The following SMARCE1 variants were observed in gnomAD, a reference collection of about 807,000 sequenced individuals.
The protein encoded by SMARCE1 is SWI/SNF-related matrix-associated actin-dependent regulator of chromatin subfamily E member 1.
Under a neutral mutation model 54.9 loss-of-function variants are expected in SMARCE1, and 13 were observed. That is an observed-to-expected ratio of 0.24 (90% CI 0.15 to 0.38). The LOEUF is 0.38. Among genes scored for constraint, SMARCE1 ranks in the 10% least tolerant of loss-of-function variants. The pLI is 1.00. For synonymous variants in SMARCE1, 151 were observed against 175.3 expected, an observed-to-expected ratio of 0.86 and a Z score of 1.10; for missense variants, 295 against 523.8, an observed-to-expected ratio of 0.56 and a Z score of 4.26.
chr17:40,647,006 T>C (rs2037264503), intron 1 of SMARCE1, among the ~76,000 whole-genome samples: 1 of 152,216 alleles, frequency 6.6e-6, no homozygotes, highest in Non-Finnish European at 1.5e-5. Flanking sequence ...CAGGCCTCGC[T>C]GCAGGGGACC....
At chr17:40,646,351 A>G (rs911710240) in intron 1 of SMARCE1, among the ~76,000 whole-genome samples, 4 of 152,336 alleles carry the variant, frequency 2.6e-5, no homozygotes, top group Admixed American at 1.3e-4. Context: ...ACATTCTCTT[A>G]TAATGGTAAA....
intron 4 of SMARCE1, among the ~76,000 whole-genome samples, chr17:40,638,815 G>A (rs983380204): frequency 2.0e-5 from 3 of 152,068 alleles, no homozygotes; most frequent in Non-Finnish European, 4.4e-5. Flanking sequence ...CATTTTGTTC[G>A]CTTCCCCTTC....
intron 10 of SMARCE1, 148 bp downstream of exon 10, chr17:40,630,566 C>T (rs2143984120): frequency 1.4e-6 from 1 of 699,540 alleles, no homozygotes; most frequent in South Asian, 1.7e-5. Context: ...GGTTAAAATA[C>T]TGAATGTCAA....
intron 4 of SMARCE1, chr17:40,640,152 T>TC (rs1433942502): frequency 6.6e-6 from 1 of 152,204 alleles, no homozygotes; most frequent in East Asian, 1.9e-4. Flanking sequence ...CTTTTGCAAT[T>TC]CTCAGCTGTT....
chr17:40,645,932 T>C, intron 1 of SMARCE1, 85 bp from the exon 2 acceptor site: 1 of 443,738 alleles, frequency 2.3e-6, no homozygotes, highest in African/African-American at 2.0e-5. Flanking sequence ...TAGGGTAATT[T>C]AATTGGTATT....
intron 9 of SMARCE1, 43 bp from the exon 10 acceptor site, chr17:40,630,967 A>T: frequency 6.6e-7 from 1 of 1,523,518 alleles, no homozygotes; most frequent in Non-Finnish European, 9.0e-7. Flanking sequence ...TTTTCCTTAT[A>T]ATTTTTGAGC....
chr17:40,636,229 T>C (rs779213346), intron 6 of SMARCE1, 127 bp from the exon 7 acceptor site: 25 of 1,182,428 alleles, frequency 2.1e-5, no homozygotes, highest in Non-Finnish European at 2.9e-5. Context: ...ATCTCCTTTT[T>C]ACAGGCAAGA....
chr17:40,647,593 G>A (rs1334499855), intron 1 of SMARCE1, 180 bp downstream of exon 1: 3 of 152,858 alleles, frequency 2.0e-5, no homozygotes, highest in East Asian at 3.9e-4. Context: ...GGGGGCCCCA[G>A]ATGGGACTCC....
At chr17:40,631,171 A>T in intron 9 of SMARCE1, 1 of 417,774 alleles carries the variant, frequency 2.4e-6, no homozygotes, top group Admixed American at 4.0e-5. Context: ...GGTGAGGCAA[A>T]ATAGTGAAAG....
At chr17:40,645,258 TTAAAGACTCTTAATAGTGA>T (rs2037243780) in intron 3 of SMARCE1, 1 of 389,326 alleles carries the variant, frequency 2.6e-6, no homozygotes, top group Non-Finnish European at 4.5e-6. Flanking sequence ...CAGTAACAAC[TTAAAGACTCTTAATAGTGA>T]AGATTAATAA....
chr17:40,630,086 G>A, intron 10 of SMARCE1: 2 of 636,882 alleles, frequency 3.1e-6, no homozygotes, highest in South Asian at 2.1e-5. Flanking sequence ...TTTACACAGT[G>A]TACTAGGCAG....
chr17:40,629,630 T>A, intron 10 of SMARCE1: 1 of 648,476 alleles, frequency 1.5e-6, no homozygotes, highest in Non-Finnish European at 2.2e-6. Context: ...TTCTTCAGGT[T>A]TTTTCCTTGA....
chr17:40,626,294 T>C lies in SMARCE1; in HGVS notation c.*2491A>G, dbSNP rs2037033859. ...TTTGTTAAAAAAAATTAACAAAATT[T>C]AGGCCCTCAGACTTTATGCATTCAT... On this transcript the variant is annotated 3_prime_UTR_variant, in exon 11 of 11. Coordinates refer to ENST00000348513, the MANE Select transcript of SMARCE1 (RefSeq NM_003079.5). The C allele has an allele frequency of 6.6e-6, 1 of 152,142 alleles. No homozygotes were observed. Among genetic ancestry groups the C allele is most frequent in the African/African-American group, 2.4e-5 (1 of 41,426 alleles). The allele number at this position is 152,142 out of a possible 1,614,324, so 9.4% of individuals were successfully genotyped here.
chr17:40,643,224 G>A (rs1031677547), intron 3 of SMARCE1: 3 of 152,118 alleles, frequency 2.0e-5, no homozygotes, highest in African/African-American at 7.2e-5. Flanking sequence ...TCATTCTGGG[G>A]TACTATCTGA....
At chr17:40,635,714 A>G in intron 7 of SMARCE1, 1 of 358,568 alleles carries the variant, frequency 2.8e-6, no homozygotes. Flanking sequence ...TAAACAATCA[A>G]TAATTTTTGC....
In SMARCE1 at chr17:40,628,678, A is replaced by G. The variant is rs2037058268; in HGVS notation, c.*107T>C. 4.8e-6 allele frequency: 4 copies of G among 828,640 alleles called. No homozygotes were observed. The highest frequency in any genetic ancestry group is 1.7e-5 in the African/African-American group (1 of 59,096). The allele number at this position is 828,640 out of a possible 1,614,324, so 51.3% of individuals were successfully genotyped here. A position where few individuals can be genotyped will look rare whatever the true frequency, so the allele number is the denominator to read the frequency against. Reference sequence around the variant, plus strand: ...TGGTCCAAAAGCCTTTGGTGGTGTGATATGGACAAGAAAAAAAATTAATAC... The same window carrying G: ...TGGTCCAAAAGCCTTTGGTGGTGTGGTATGGACAAGAAAAAAAATTAATAC... On this transcript the variant is annotated 3_prime_UTR_variant, in exon 11 of 11. Transcript: ENST00000348513.
intron 1 of SMARCE1, among the ~76,000 whole-genome samples, chr17:40,646,184 G>T (rs1238434300): frequency 2.0e-5 from 3 of 152,194 alleles, no homozygotes; most frequent in African/African-American, 7.2e-5. Flanking sequence ...AGAAAGTGAT[G>T]TATTATCAGG....
chr17:40,629,800 G>A (rs16966015), intron 10 of SMARCE1: 4,402 of 387,404 alleles, frequency 0.011, 151 homozygotes, highest in African/African-American at 0.08. Flanking sequence ...CCACAAAAAT[G>A]TGCTCATGCT....
chr17:40,637,349 T>TA (rs1312487464), intron 5 of SMARCE1, 143 bp downstream of exon 5: 2 of 707,168 alleles, frequency 2.8e-6, no homozygotes, highest in Non-Finnish European at 5.2e-6. Context: ...AAATCAGAAC[T>TA]AATTGCTTTA....
Sources: allele counts gnomAD v4.1 joint callset (sites outside exome capture counted in the v4.1 genomes callset), GRCh38; gene constraint gnomAD v4.1.1; transcripts MANE v1.5; gene names NCBI Gene and HGNC (gene_info 2026-07-23, HGNC 2026-07-21).